The following ROBO2 variants were observed in gnomAD, a reference collection of about 807,000 sequenced individuals.
ROBO2 encodes the protein roundabout guidance receptor 2.
A neutral mutation model predicts 160.8 loss-of-function variants in ROBO2; 53 were observed. The observed-to-expected ratio is 0.33, with a 90% CI of 0.26 to 0.41. The LOEUF is 0.41. ROBO2 is among the 10% of genes least tolerant of loss of function. The pLI is 1.00. For synonymous variants in ROBO2, 664 were observed against 611.7 expected, an observed-to-expected ratio of 1.09 and a Z score of -1.26; for missense variants, 1,577 against 1,722.4, an observed-to-expected ratio of 0.92 and a Z score of 1.49.
chr3:77,059,486 T>A (rs2149754168), intron 1 of ROBO2, among the ~76,000 whole-genome samples: 1 of 152,254 alleles, frequency 6.6e-6, no homozygotes, highest in Admixed American at 6.5e-5. Context: ...TTTTATAAAG[T>A]GTTCACATAA....
intron 2 of ROBO2, among the ~76,000 whole-genome samples, chr3:76,086,317 G>T (rs1260051680): frequency 2.0e-5 from 3 of 152,106 alleles, no homozygotes; most frequent in Non-Finnish European, 4.4e-5. Flanking sequence ...ACAGCATGGA[G>T]GTAACCGCCC....
intron 2 of ROBO2, among the ~76,000 whole-genome samples, chr3:76,304,742 CT>C (rs150072950): frequency 0.025 from 2,556 of 103,676 alleles, 85 homozygotes; most frequent in African/African-American, 0.072. Flanking sequence ...CTTTTCTTTT[CT>C]TTCCTTCTTT....
intron 2 of ROBO2, among the ~76,000 whole-genome samples, chr3:77,193,758 T>C (rs2082086135): frequency 6.6e-6 from 1 of 152,084 alleles, no homozygotes; most frequent in Non-Finnish European, 1.5e-5. Context: ...AAGTTCTTGT[T>C]CTGACTGATG....
At chr3:76,996,576 A>G (rs1304679565) in intron 2 of ROBO2, among the ~76,000 whole-genome samples, 1 of 151,582 alleles carries the variant, frequency 6.6e-6, no homozygotes, top group African/African-American at 2.4e-5. Context: ...GATTCTTCCT[A>G]CCCCTGAGCA....
At chr3:76,001,745 T>A (rs592213) in intron 2 of ROBO2, among the ~76,000 whole-genome samples, 117,339 of 152,062 alleles carry the variant, frequency 0.77, 46,455 homozygotes, top group East Asian at 0.97. Flanking sequence ...ATGTTTCACC[T>A]TGTTGTCCAG....
chr3:76,521,175 A>G (rs966543158), intron 2 of ROBO2, among the ~76,000 whole-genome samples: 7 of 151,318 alleles, frequency 4.6e-5, no homozygotes, highest in African/African-American at 1.5e-4. Flanking sequence ...CAGCCTACCA[A>G]GTAGTTGGGA....
rs373349382 is a variant in ROBO2, at chr3:76,603,082, G to A, written c.110-494932G>A. ...CGCAGTGGCTCACGCCTGTAATCTC[G>A]GCACTTTGGGAGGCCGAGGCGGGCA... is the stretch of plus-strand genomic sequence containing the variant. On this transcript the variant is annotated intron_variant, in intron 2 of 26. Transcript: ENST00000487694. 5.5e-4 allele frequency among the ~76,000 whole-genome samples: 83 copies of A among 151,484 alleles called. No homozygotes were observed. The Middle Eastern group carries it at 0.01, about 19-fold the overall frequency.
chr3:76,505,738 T>C (rs2080759700), intron 2 of ROBO2, among the ~76,000 whole-genome samples: 1 of 152,068 alleles, frequency 6.6e-6, no homozygotes, highest in African/African-American at 2.4e-5. Flanking sequence ...GCCTTGACCC[T>C]GTCAACACCT....
chr3:77,310,039 A>G (rs763303385), intron 2 of ROBO2, among the ~76,000 whole-genome samples: 1 of 152,152 alleles, frequency 6.6e-6, no homozygotes, highest in Non-Finnish European at 1.5e-5. Flanking sequence ...TTTGTTTTCT[A>G]TGTACGGTCT....
At chr3:77,284,841 T>A (rs1183951235) in intron 2 of ROBO2, among the ~76,000 whole-genome samples, 4 of 152,148 alleles carry the variant, frequency 2.6e-5, no homozygotes. Flanking sequence ...GTAGGGTAAC[T>A]TGTAAGGTTG....
At chr3:76,504,857 T>C (rs1478198590) in intron 2 of ROBO2, among the ~76,000 whole-genome samples, 1 of 152,156 alleles carries the variant, frequency 6.6e-6, no homozygotes, top group East Asian at 1.9e-4. Context: ...TGAAAACAGT[T>C]TGCAGGTCTA....
intron 2 of ROBO2, among the ~76,000 whole-genome samples, chr3:76,570,459 A>C (rs1037007261): frequency 7.2e-5 from 11 of 152,204 alleles, no homozygotes; most frequent in Non-Finnish European, 1.0e-4. Context: ...CTTTAAAATA[A>C]CTCAATTATC....
intron 7 of ROBO2, among the ~76,000 whole-genome samples, chr3:77,549,798 T>C (rs2092844396): frequency 6.6e-6 from 1 of 152,012 alleles, no homozygotes; most frequent in African/African-American, 2.4e-5. Context: ...GGGCCTTTAA[T>C]TGAATGTTAT....
intron 2 of ROBO2, among the ~76,000 whole-genome samples, chr3:76,745,469 G>T (rs2093870301): frequency 6.6e-6 from 1 of 152,052 alleles, no homozygotes; most frequent in East Asian, 1.9e-4. Context: ...AATCATTCCA[G>T]TTTTTTCTTC....
intron 2 of ROBO2, among the ~76,000 whole-genome samples, chr3:76,534,518 G>T (rs1392498909): frequency 2.0e-5 from 3 of 152,112 alleles, no homozygotes; most frequent in Admixed American, 2.0e-4. Context: ...CCATAGTTCT[G>T]ATTGCAGATC....
In ROBO2 at chr3:77,111,918, C is replaced by T. The variant is rs115391843; in HGVS notation, c.388+13578C>T. 4.2e-3 allele frequency among the ~76,000 whole-genome samples: 636 copies of T among 152,108 alleles called. 2 individuals carry two copies. The highest frequency in any genetic ancestry group is 0.013 in the African/African-American group (560 of 41,514). On this transcript the variant is annotated intron_variant, in intron 2 of 25. Coordinates refer to ENST00000461745, the Ensembl canonical transcript of ROBO2. ...ACCATTACAACTGAAATGTCACTAT[C>T]GGAGAAAGATCAGCTGGGCGCGGTG...
chr3:77,116,382 G>C (rs906879037), intron 2 of ROBO2, among the ~76,000 whole-genome samples: 3 of 152,108 alleles, frequency 2.0e-5, no homozygotes, highest in African/African-American at 7.2e-5. Flanking sequence ...GAATCCCTTA[G>C]TTTACTTGAT....
intron 2 of ROBO2, among the ~76,000 whole-genome samples, chr3:76,820,815 T>G (rs1462497347): frequency 1.3e-5 from 2 of 152,026 alleles, no homozygotes; most frequent in African/African-American, 4.8e-5. Flanking sequence ...CCACCAATAG[T>G]ACTGTTGGAA....
intron 2 of ROBO2, among the ~76,000 whole-genome samples, chr3:76,146,041 A>G (rs529667525): frequency 6.6e-6 from 1 of 152,094 alleles, no homozygotes; most frequent in African/African-American, 2.4e-5. Context: ...TTTATATCAT[A>G]CACAGTTTAG....
Sources: allele counts gnomAD v4.1 joint callset (sites outside exome capture counted in the v4.1 genomes callset), GRCh38; gene constraint gnomAD v4.1.1; transcripts MANE v1.5; gene names NCBI Gene and HGNC (gene_info 2026-07-23, HGNC 2026-07-21).